Variants in HS1BP3 observed in about 807,000 individuals in gnomAD.
The protein encoded by HS1BP3 is HCLS1 binding protein 3.
In HS1BP3, 32 loss-of-function variants were observed where a neutral mutation model predicts 33.5. The observed-to-expected ratio is 0.95, with a 90% CI of 0.72 to 1.28. HS1BP3 has a LOEUF of 1.28. Ranked by LOEUF, HS1BP3 falls within the 50% of genes most tolerant of loss-of-function variation. HS1BP3 has a pLI of 0.00. For missense variants in HS1BP3, 486 were observed against 502.3 expected (o/e 0.97, Z 0.31); for synonymous variants, 187 against 209.2 (o/e 0.89, Z 0.92).
chr2:20,649,076 C>T (rs1695606254), intron 1 of HS1BP3, among the ~76,000 whole-genome samples: 3 of 152,386 alleles, frequency 2.0e-5, no homozygotes, highest in Non-Finnish European at 4.4e-5. Context: ...ATGCTCAGCT[C>T]GGCCACTGCC....
intron 5 of HS1BP3, among the ~76,000 whole-genome samples, chr2:20,587,284 G>T (rs4666432): frequency 0.95 from 144,787 of 152,268 alleles, 69,284 homozygotes; most frequent in East Asian, 1. Flanking sequence ...GTGAAAAAAG[G>T]AGGCTGCAAA....
chr2:20,642,890 A>G (rs918845474), intron 2 of HS1BP3, among the ~76,000 whole-genome samples: 3 of 152,222 alleles, frequency 2.0e-5, no homozygotes, highest in Non-Finnish European at 4.4e-5. Flanking sequence ...AACGTTAGTA[A>G]GCTTGTGGGT....
chr2:20,634,053 C>T (rs546461232), intron 4 of HS1BP3, among the ~76,000 whole-genome samples: 1 of 152,358 alleles, frequency 6.6e-6, no homozygotes, highest in South Asian at 2.1e-4. Flanking sequence ...ACATGAACCC[C>T]AGGATGGCAC....
At chr2:20,589,195 C>T (rs1229958788), downstream of HS1BP3, among the ~76,000 whole-genome samples, 1 of 152,238 alleles carries the variant, frequency 6.6e-6, no homozygotes, top group Non-Finnish European at 1.5e-5. Flanking sequence ...TCTGAGCCTT[C>T]ACTTCTCAGG....
Position 20,611,824 on chromosome 2 carries a change from G to A in HS1BP3, c.178+12072C>T, listed in dbSNP as rs1315043211. Among the ~76,000 whole-genome samples, 6 of 152,188 alleles carry A rather than the reference G, an allele frequency of 3.9e-5. No individual in the cohort carries two copies. Among genetic ancestry groups the A allele is most frequent in the Admixed American group, 2.0e-4 (3 of 15,286 alleles). Reference sequence around the variant, plus strand: ...GCAGGCCATCACCCTGCTCAGCAGCGTGGGGTTCAGAGAAGCTGAGAGATG... The same window carrying A: ...GCAGGCCATCACCCTGCTCAGCAGCATGGGGTTCAGAGAAGCTGAGAGATG... On this transcript the variant is annotated intron_variant, in intron 2 of 3. Transcript: ENST00000415264. This position sits in a 1 kb window ranked among gnomAD's most constrained non-coding sequence, Gnocchi z 4.9.
chr2:20,630,258 TTTG>T (rs1694929637), intron 4 of HS1BP3, among the ~76,000 whole-genome samples: 1 of 152,166 alleles, frequency 6.6e-6, no homozygotes, highest in African/African-American at 2.4e-5. Context: ...TTGGTGTCTT[TTTG>T]TTTTTTGGGT....
chr2:20,611,375 G>C lies in HS1BP3; in HGVS notation c.178+12521C>G, dbSNP rs1054354661. On this transcript the variant is annotated intron_variant, in intron 2 of 3. Coordinates refer to the HS1BP3 transcript ENST00000415264. This position sits in a 1 kb window ranked among gnomAD's most constrained non-coding sequence, Gnocchi z 4.9. Reference sequence around the variant, plus strand: ...TGATAAGGAAGCTGGGAAATCCCAAGGGGTAAAGAGAAAGGGATACAGGCC... The same window carrying C: ...TGATAAGGAAGCTGGGAAATCCCAACGGGTAAAGAGAAAGGGATACAGGCC... Among the ~76,000 whole-genome samples the C allele has an allele frequency of 2.0e-5, 3 of 152,190 alleles. No homozygotes were observed. Among genetic ancestry groups the C allele is most frequent in the African/African-American group, 7.2e-5 (3 of 41,458 alleles).
rs1382075835 is a variant in HS1BP3, at chr2:20,611,215, G to C, written c.178+12681C>G. On this transcript the variant is annotated intron_variant, in intron 2 of 3. Coordinates refer to the HS1BP3 transcript ENST00000415264. The surrounding 1 kb of genome is among the most constrained non-coding windows in gnomAD (Gnocchi z 4.9). ...TTGACCGTTTGTTTGATGGATATTT[G>C]GGTTGTTTCCTTTGGGGGAGGAACC... is the stretch of plus-strand genomic sequence containing the variant. 1.3e-5 allele frequency among the ~76,000 whole-genome samples: 2 copies of C among 152,194 alleles called. No individual in the cohort carries two copies. Among genetic ancestry groups the C allele is most frequent in the Non-Finnish European group, 2.9e-5 (2 of 68,022 alleles).
At chr2:20,579,291 G>T (rs954963415) in intron 5 of HS1BP3, among the ~76,000 whole-genome samples, 15 of 152,224 alleles carry the variant, frequency 9.9e-5, no homozygotes, top group Admixed American at 3.3e-4. Flanking sequence ...CATCTATAGG[G>T]TGCCTCCGGG....
chr2:20,587,736 ACT>A (rs1572309159), downstream of HS1BP3, among the ~76,000 whole-genome samples: 1 of 151,748 alleles, frequency 6.6e-6, no homozygotes, highest in Non-Finnish European at 1.5e-5. Flanking sequence ...ACAGAGCGAG[ACT>A]CTGTCTCAAA....
Position 20,650,590 on chromosome 2 carries a change from C to CGGG in HS1BP3, c.32+441_32+442insCCC, listed in dbSNP as rs767175042. ...TTACTACCCGCTGCTGGCATCACCCCCTCTCCGCTGCAGCCCCCTGCAGGG... is the reference window on the plus strand; with the variant it reads ...TTACTACCCGCTGCTGGCATCACCCCGGGCTCTCCGCTGCAGCCCCCTGCAGGG... On this transcript the variant is annotated intron_variant, in intron 1 of 6. Transcript: ENST00000304031. Among the ~76,000 whole-genome samples the CGGG allele has an allele frequency of 2.9e-4, 44 of 152,244 alleles. 2 individuals carry two copies. Among genetic ancestry groups the CGGG allele is most frequent in the Admixed American group, 1.3e-4 (2 of 15,290 alleles).
intron 1 of HS1BP3, among the ~76,000 whole-genome samples, chr2:20,648,108 A>G (rs2149305312): frequency 6.6e-6 from 1 of 152,312 alleles, no homozygotes; most frequent in South Asian, 2.1e-4. Flanking sequence ...ACTGAAGGAC[A>G]TAGCTGCTGC....
chr2:20,554,312 C>T, the HS1BP3 span, among the ~76,000 whole-genome samples: 1 of 152,220 alleles, frequency 6.6e-6, no homozygotes, highest in African/African-American at 2.4e-5. Context: ...GGTCACTGGT[C>T]ATGCGTCTCA....
intron 5 of HS1BP3, among the ~76,000 whole-genome samples, chr2:20,583,593 C>T (rs904521846): frequency 5.9e-5 from 9 of 152,206 alleles, no homozygotes; most frequent in South Asian, 2.1e-4. Flanking sequence ...AAGGGGCCAG[C>T]GGGTCAAGCC....
At chr2:20,557,802 GA>G (rs1692875132), downstream of HS1BP3, among the ~76,000 whole-genome samples, 1 of 152,244 alleles carries the variant, frequency 6.6e-6, no homozygotes, top group Non-Finnish European at 1.5e-5. Context: ...CAGGAATGCA[GA>G]ACCCTGCAGG....
intron 4 of HS1BP3, among the ~76,000 whole-genome samples, chr2:20,633,123 C>T (rs1695017349): frequency 6.6e-6 from 1 of 152,232 alleles, no homozygotes. Context: ...GCAACGCACT[C>T]AGCGTCCGCC....
At position 20,638,632 on chromosome 2, in the gene HS1BP3, CA is replaced by C. The variant is rs1558348242; in HGVS notation, c.426del (p.Ala143GlnfsTer44). 6.2e-7 allele frequency: 1 copy of C among 1,613,984 alleles called. No individual in the cohort carries two copies. The highest frequency in any genetic ancestry group is 1.1e-5 in the South Asian group (1 of 91,068). On this transcript the variant is annotated frameshift_variant, in exon 4 of 7. Coordinates refer to ENST00000304031, the MANE Select transcript of HS1BP3 (RefSeq NM_022460.4). LOFTEE classifies it high-confidence loss of function. ...GAGGAATCTCTGCTGGTGAGCCCTG[CA>C]GCCCCTGGGGATCTGGTACCTGTGG... The part of the protein sequence containing the change: ...LEFLGTRSPG[A>X]AGLTSRDSSV...
intron 5 of HS1BP3, among the ~76,000 whole-genome samples, chr2:20,565,974 C>T (rs1290080825): frequency 6.6e-6 from 1 of 152,250 alleles, no homozygotes; most frequent in Non-Finnish European, 1.5e-5. Flanking sequence ...ATACGCATTG[C>T]TTCCTGGTAT....
intron 5 of HS1BP3, among the ~76,000 whole-genome samples, chr2:20,569,793 A>C (rs1207221203): frequency 1.3e-5 from 2 of 152,186 alleles, no homozygotes; most frequent in Non-Finnish European, 2.9e-5. Context: ...TAAGTTCTAG[A>C]GTATCCAGGA....
Sources: gnomAD v4.1 joint callset for allele counts (sites outside exome capture counted in the v4.1 genomes callset) on GRCh38, gnomAD v4.1.1 for gene constraint, Gnocchi (gnomAD v3.1) non-coding constraint, MANE v1.5 for transcripts, NCBI Gene and HGNC (gene_info 2026-07-23, HGNC 2026-07-21) for gene names.